RTP2: variants seen among roughly 807,000 people sequenced by gnomAD.
RTP2 encodes the protein receptor-transporting protein 2.
Under a neutral mutation model 17.9 loss-of-function variants are expected in RTP2, and 12 were observed. That is an observed-to-expected ratio of 0.67 (90% CI 0.43 to 1.09). The LOEUF (loss-of-function observed/expected upper bound fraction) is 1.09, where lower values mean the gene tolerates loss of function less well. Ranked by LOEUF, RTP2 falls within the 50% of genes least tolerant of loss-of-function variation. RTP2 has a pLI of 0.00. For synonymous variants in RTP2, 126 were observed against 117.7 expected, an observed-to-expected ratio of 1.07 and a Z score of -0.46; for missense variants, 327 against 295.7, an observed-to-expected ratio of 1.11 and a Z score of -0.78.
At chr3:187,699,742 CACACACACACACACACACACA>C (rs1443527505) in intron 1 of RTP2, among the ~76,000 whole-genome samples, 2 of 35,434 alleles carry the variant, frequency 5.6e-5, no homozygotes, top group African/African-American at 1.2e-4. Context: ...CACACACACA[CACACACACACACACACACACA>C]CACACACACA....
chr3:187,707,192 T>C (rs1718014612), upstream of RTP2, among the ~76,000 whole-genome samples: 1 of 152,162 alleles, frequency 6.6e-6, no homozygotes, highest in South Asian at 2.1e-4. Flanking sequence ...CACAAGAGAA[T>C]CAGGCAGAAG....
chr3:187,705,904 AT>A (rs1717980158), upstream of RTP2, among the ~76,000 whole-genome samples: 1 of 152,234 alleles, frequency 6.6e-6, no homozygotes, highest in Admixed American at 6.5e-5. Flanking sequence ...TCAAGATAAA[AT>A]TGTTCAAGTG....
chr3:187,702,038 T>A, exon 1 of RTP2: 1 of 1,613,720 alleles, frequency 6.2e-7, no homozygotes. Context: ...TTGGGGTCTA[T>A]GATGAGCTCC....
At chr3:187,703,991 C>G (rs1317786800), upstream of RTP2, among the ~76,000 whole-genome samples, 2 of 152,138 alleles carry the variant, frequency 1.3e-5, no homozygotes, top group African/African-American at 4.8e-5. Context: ...TCAGTGAGCA[C>G]AATTACTACT....
At chr3:187,700,737 T>C (rs1717823614) in intron 1 of RTP2, among the ~76,000 whole-genome samples, 1 of 152,148 alleles carries the variant, frequency 6.6e-6, no homozygotes, top group African/African-American at 2.4e-5. Flanking sequence ...TTTATTTCAC[T>C]GAGAAGAGAC....
chr3:187,715,418 T>C, the RTP2 span, among the ~76,000 whole-genome samples: 28 of 152,106 alleles, frequency 1.8e-4, no homozygotes, highest in African/African-American at 6.7e-4. Context: ...CCCGCCAGGG[T>C]TCTGTCAAAG....
chr3:187,709,848 G>A, the RTP2 span, among the ~76,000 whole-genome samples: 1 of 152,092 alleles, frequency 6.6e-6, no homozygotes, highest in Admixed American at 6.5e-5. Context: ...TTGACCAAGG[G>A]GTGCTCAAAT....
chr3:187,710,538 CAT>C, the RTP2 span, among the ~76,000 whole-genome samples: 6,688 of 143,370 alleles, frequency 0.047, 285 homozygotes, highest in African/African-American at 0.13. Flanking sequence ...TGTATATGTG[CAT>C]ATATATATAT....
the RTP2 span, among the ~76,000 whole-genome samples, chr3:187,715,381 A>G: frequency 2.6e-5 from 4 of 151,100 alleles, no homozygotes; most frequent in African/African-American, 9.8e-5. Context: ...CCTCTTTATA[A>G]TTCCTGTTCA....
the RTP2 span, among the ~76,000 whole-genome samples, chr3:187,710,877 G>A: frequency 1.3e-5 from 2 of 152,132 alleles, no homozygotes; most frequent in Non-Finnish European, 2.9e-5. Flanking sequence ...AGGAGACCTA[G>A]ATTCTTATCT....
At chr3:187,702,817 G>A (rs1717888174), upstream of RTP2, among the ~76,000 whole-genome samples, 1 of 152,248 alleles carries the variant, frequency 6.6e-6, no homozygotes, top group Admixed American at 6.5e-5. Flanking sequence ...AATTGAGTGA[G>A]AAGTAACATC....
At chr3:187,706,605 C>A (rs1384093525), upstream of RTP2, among the ~76,000 whole-genome samples, 4 of 152,076 alleles carry the variant, frequency 2.6e-5, no homozygotes, top group East Asian at 7.7e-4. Context: ...GTGAATATTT[C>A]TTTTCTTTTT....
exon 2 of RTP2, chr3:187,698,285 C>A: frequency 1.8e-6 from 1 of 556,926 alleles, no homozygotes; most frequent in Admixed American, 3.1e-5. Context: ...TTATTACACC[C>A]TTTTCCCCTT....
chr3:187,715,653 TTCTAAGTCAGAATCA>T, the RTP2 span: 1 of 456,810 alleles, frequency 2.2e-6, no homozygotes, highest in East Asian at 6.9e-5. Context: ...TCACCACTGG[TTCTAAGTCAGAATCA>T]TCTGGAGAGC....
At chr3:187,715,400 A>G in the RTP2 span, among the ~76,000 whole-genome samples, 1 of 147,762 alleles carries the variant, frequency 6.8e-6, no homozygotes, top group East Asian at 1.9e-4. Context: ...CATTGATATA[A>G]GGTTCCCCCC....
the RTP2 span, among the ~76,000 whole-genome samples, chr3:187,715,371 C>T: frequency 5.6e-4 from 85 of 152,102 alleles, no homozygotes; most frequent in African/African-American, 2.0e-3. Context: ...CTGAGTTCTT[C>T]CTCTTTATAA....
chr3:187,704,248 AT>A (rs1717934132), upstream of RTP2, among the ~76,000 whole-genome samples: 1 of 152,210 alleles, frequency 6.6e-6, no homozygotes, highest in Admixed American at 6.5e-5. Context: ...TTCCCCTTCA[AT>A]TTGGAATGCA....
chr3:187,698,547 A>G (rs767802040), exon 2 of RTP2: 10 of 1,614,014 alleles, frequency 6.2e-6, no homozygotes, highest in Non-Finnish European at 8.5e-6. Flanking sequence ...AACAACGAGC[A>G]GGCAGAGAGA....
chr3:187,707,457 T>G (rs527268239), upstream of RTP2, among the ~76,000 whole-genome samples: 153 of 152,156 alleles, frequency 1.0e-3, 1 homozygote, highest in African/African-American at 3.6e-3. Flanking sequence ...GATGACCAAT[T>G]GGCAGTTAAA....
Sources: allele counts gnomAD v4.1 joint callset (sites outside exome capture counted in the v4.1 genomes callset), GRCh38; gene constraint gnomAD v4.1.1; transcripts MANE v1.5; gene names NCBI Gene and HGNC (gene_info 2026-07-23, HGNC 2026-07-21).